Variants in AGO1 observed in about 807,000 individuals in gnomAD.
AGO1 encodes the protein protein argonaute-1.
In AGO1, 11 loss-of-function variants were observed where a neutral mutation model predicts 109.2. The observed-to-expected ratio is 0.10, with a 90% confidence interval of 0.06 to 0.17. The LOEUF is 0.17. AGO1 is among the 10% of genes least tolerant of loss of function. The pLI, the probability that AGO1 is intolerant of heterozygous loss-of-function variation, is 1.00. For synonymous variants in AGO1, 422 were observed against 418.6 expected, an observed-to-expected ratio of 1.01 and a Z score of -0.10; for missense variants, 574 against 1,140.3, an observed-to-expected ratio of 0.50 and a Z score of 7.15.
At chr1:35,870,571 C>T (rs1644941521) in intron 1 of AGO1, among the ~76,000 whole-genome samples, 1 of 152,132 alleles carries the variant, frequency 6.6e-6, no homozygotes, top group Non-Finnish European at 1.5e-5. Context: ...CGTGAGCCAC[C>T]GCGCCTGGCC....
chr1:35,920,147 G>A lies in AGO1; in HGVS notation c.*540G>A, dbSNP rs1023962631. 2 of 152,736 alleles carry A rather than the reference G, an allele frequency of 1.3e-5. No homozygotes were observed. The allele number at this position is 152,736 out of a possible 1,614,324, so 9.5% of individuals were successfully genotyped here. A position where few individuals can be genotyped will look rare whatever the true frequency, so the allele number is the denominator to read the frequency against. ...AGATCAATATTTTAGGATACTAGATGTTTTAATGGGTTCAGAATCCAGTTT... is the reference window on the plus strand; with the variant it reads ...AGATCAATATTTTAGGATACTAGATATTTTAATGGGTTCAGAATCCAGTTT... On this transcript the variant is annotated 3_prime_UTR_variant, in exon 19 of 19. Coordinates refer to ENST00000373204, the MANE Select transcript of AGO1 (RefSeq NM_012199.5).
Position 35,919,409 on chromosome 1 carries a change from T to C in AGO1, c.2466-90T>C, listed in dbSNP as rs919475316. 1.4e-6 allele frequency: 2 copies of C among 1,470,512 alleles called. No individual in the cohort carries two copies. Among genetic ancestry groups the C allele is most frequent in the Admixed American group, 2.0e-5 (1 of 49,760 alleles). The allele number at this position is 1,470,512 out of a possible 1,614,324, so 91.1% of individuals were successfully genotyped here. A position where few individuals can be genotyped will look rare whatever the true frequency, so the allele number is the denominator to read the frequency against. ...GGGTTGGGTTTCTCTCTTAAGTTGG[T>C]ATGGGAATTGGCATCCCAGGGCTGG... On this transcript the variant is annotated intron_variant, in intron 18 of 18. Coordinates refer to ENST00000373204, the MANE Select transcript of AGO1 (RefSeq NM_012199.5). The surrounding 1 kb of genome is among the most constrained non-coding windows in gnomAD (Gnocchi z 6.6).
At chr1:35,894,245 CA>C in intron 6 of AGO1, 69 bp from the exon 7 acceptor site, 1 of 1,600,052 alleles carries the variant, frequency 6.2e-7, no homozygotes, top group Non-Finnish European at 8.5e-7. Context: ...GGGGTATGCT[CA>C]GGGGAGAGAC....
Position 35,929,254 on chromosome 1 carries a change from A to G in AGO1, c.*9647A>G, listed in dbSNP as rs1191519402. ...TGTCTTCCTACTTCTTGATATTACA[A>G]ATCATGAGCCTTTCACATGCATTGA... On this transcript the variant is annotated 3_prime_UTR_variant, in exon 19 of 19. Coordinates refer to ENST00000373204, the MANE Select transcript of AGO1 (RefSeq NM_012199.5). 6.6e-6 allele frequency: 1 copy of G among 152,246 alleles called. No individual in the cohort carries two copies. Among genetic ancestry groups the G allele is most frequent in the African/African-American group, 2.4e-5 (1 of 41,460 alleles). 9.4% of individuals were successfully genotyped at this position (152,246 alleles called of 1,614,324 possible).
chr1:35,893,635 C>T lies in AGO1; in HGVS notation c.513-39C>T. ...CCAGGATGCCTCACAGGGTGGGGGCCTGTGCCCGAGGGACCAGTTCTCTGC... is the reference window on the plus strand; with the variant it reads ...CCAGGATGCCTCACAGGGTGGGGGCTTGTGCCCGAGGGACCAGTTCTCTGC... On this transcript the variant is annotated intron_variant, in intron 4 of 18. Coordinates refer to ENST00000373204, the MANE Select transcript of AGO1 (RefSeq NM_012199.5). This position sits in a 1 kb window ranked among gnomAD's most constrained non-coding sequence, Gnocchi z 5.6. 6.3e-7 allele frequency: 1 copy of T among 1,575,672 alleles called. No homozygotes were observed. The highest frequency in any genetic ancestry group is 8.6e-7 in the Non-Finnish European group (1 of 1,157,128).
At chr1:35,913,744 T>G in intron 12 of AGO1, 98 bp from the exon 13 acceptor site, 1 of 1,267,128 alleles carries the variant, frequency 7.9e-7, no homozygotes, top group Non-Finnish European at 1.1e-6. Flanking sequence ...TTTCCTGTCA[T>G]TATTGTGTTC....
chr1:35,870,922 T>C (rs1256296586), intron 1 of AGO1, among the ~76,000 whole-genome samples: 6 of 152,200 alleles, frequency 3.9e-5, no homozygotes, highest in Non-Finnish European at 7.3e-5. Context: ...TTGTTTGTTG[T>C]CACTCAGTAT....
intron 8 of AGO1, among the ~76,000 whole-genome samples, chr1:35,897,094 G>T (rs567860902): frequency 2.8e-4 from 42 of 152,138 alleles, no homozygotes; most frequent in Non-Finnish European, 4.9e-4. Context: ...GACAGACAAG[G>T]TCCCAGCTGT....
chr1:35,901,791 TATTCCCTCA>T lies in AGO1; in HGVS notation c.1141-156_1141-148del, dbSNP rs893742405. ...TCTCTCCTGTATTACTTTGCTGTGTTATTCCCTCACTTCCCTCATCTTCCACTTTCTCTC... is the reference window on the plus strand; with the variant it reads ...TCTCTCCTGTATTACTTTGCTGTGTTCTTCCCTCATCTTCCACTTTCTCTC... On this transcript the variant is annotated intron_variant, in intron 9 of 18. Transcript: ENST00000373204. This position sits in a 1 kb window ranked among gnomAD's most constrained non-coding sequence, Gnocchi z 4.8. Among the ~76,000 whole-genome samples the T allele has an allele frequency of 1.3e-5, 2 of 152,232 alleles. No individual in the cohort carries two copies. Among genetic ancestry groups the T allele is most frequent in the African/African-American group, 4.8e-5 (2 of 41,452 alleles).
At chr1:35,905,635 T>G (rs1004478477) in intron 11 of AGO1, among the ~76,000 whole-genome samples, 7 of 151,506 alleles carry the variant, frequency 4.6e-5, no homozygotes, top group Non-Finnish European at 7.4e-5. Context: ...CCCGGCTAGG[T>G]TTTTTTTGTA....
At chr1:35,872,673 G>A (rs1008883785) in intron 1 of AGO1, among the ~76,000 whole-genome samples, 2 of 151,968 alleles carry the variant, frequency 1.3e-5, no homozygotes, top group Non-Finnish European at 2.9e-5. Context: ...CTGAGCTGAA[G>A]TGATCCTCCT....
chr1:35,916,515 G>A (rs1645738569), intron 15 of AGO1, among the ~76,000 whole-genome samples: 2 of 152,072 alleles, frequency 1.3e-5, no homozygotes, highest in African/African-American at 4.8e-5. Flanking sequence ...CTATAGGTAT[G>A]AGTCACCACA....
Position 35,913,822 on chromosome 1 carries a change from A to T in AGO1, c.1583-20A>T, listed in dbSNP as rs997664963. ...TAAATATTTGTTGAATGCACTAATC[A>T]TTTCTCTCCCTGCCCTTAGCTGAGG... On this transcript the variant is annotated intron_variant, in intron 12 of 18. Transcript: ENST00000373204. The T allele has an allele frequency of 1.1e-5, 17 of 1,611,066 alleles. No individual in the cohort carries two copies. The highest frequency in any genetic ancestry group is 1.7e-5 in the Admixed American group (1 of 59,826).
chr1:35,908,660 T>A (rs899015522), intron 12 of AGO1, among the ~76,000 whole-genome samples: 4 of 152,226 alleles, frequency 2.6e-5, no homozygotes, highest in African/African-American at 9.6e-5. Context: ...CTTTACTACT[T>A]CTGTATTTGA....
Position 35,883,468 on chromosome 1 carries a change from A to G in AGO1, c.25+22A>G, listed in dbSNP as rs1036226508. 1.3e-6 allele frequency: 2 copies of G among 1,551,148 alleles called. No homozygotes were observed. The highest frequency in any genetic ancestry group is 2.1e-5 in the Admixed American group (1 of 46,962). On this transcript the variant is annotated intron_variant, in intron 1 of 18. Transcript: ENST00000373204. The surrounding 1 kb of genome is among the most constrained non-coding windows in gnomAD (Gnocchi z 5.4). Reference sequence around the variant, plus strand: ...GCAGGTAAGGGTCCCCAGGAGGGGGAACGGTGCATGCTCCAAGGACTGGGG... The same window carrying G: ...GCAGGTAAGGGTCCCCAGGAGGGGGGACGGTGCATGCTCCAAGGACTGGGG...
chr1:35,875,706 C>T (rs954056575), intron 1 of AGO1, among the ~76,000 whole-genome samples: 1 of 152,134 alleles, frequency 6.6e-6, no homozygotes. Flanking sequence ...GCCACCGTGC[C>T]CAGCTGGTTC....
chr1:35,904,226 C>T (rs1465389425), intron 11 of AGO1, among the ~76,000 whole-genome samples: 2 of 151,194 alleles, frequency 1.3e-5, no homozygotes, highest in Non-Finnish European at 2.9e-5. Flanking sequence ...CTGCCTCAGC[C>T]TCCCAAGCAG....
intron 1 of AGO1, among the ~76,000 whole-genome samples, chr1:35,877,907 G>T (rs1645005207): frequency 6.6e-6 from 1 of 151,600 alleles, no homozygotes; most frequent in Non-Finnish European, 1.5e-5. Context: ...TGGCCAGGCT[G>T]GTCCTGAACT....
intron 1 of AGO1, among the ~76,000 whole-genome samples, chr1:35,872,875 T>C (rs1452989590): frequency 2.0e-5 from 3 of 152,108 alleles, no homozygotes; most frequent in Admixed American, 6.6e-5. Context: ...GCCACCATGC[T>C]TGGGTCTATT....
Sources: allele counts gnomAD v4.1 joint callset (sites outside exome capture counted in the v4.1 genomes callset), GRCh38; gene constraint gnomAD v4.1.1; non-coding constraint Gnocchi (gnomAD v3.1); transcripts MANE v1.5; gene names NCBI Gene and HGNC (gene_info 2026-07-23, HGNC 2026-07-21).